Variants in EPHA6 observed in about 807,000 individuals in gnomAD.
EPHA6 encodes EPH receptor A6.
In EPHA6, 50 loss-of-function variants were observed where a neutral mutation model predicts 112.0. That is an observed-to-expected ratio of 0.45 (90% CI 0.36 to 0.56). The LOEUF is 0.56. Among genes scored for constraint, EPHA6 ranks in the 20% least tolerant of loss-of-function variants. The pLI is 0.00. For missense variants in EPHA6, 1,280 were observed against 1,417.4 expected (o/e 0.90, Z 1.56); for synonymous variants, 529 against 490.7 (o/e 1.08, Z -1.03).
intron 2 of EPHA6, among the ~76,000 whole-genome samples, chr3:96,933,470 A>C (rs939015881): frequency 2.0e-5 from 3 of 152,166 alleles, no homozygotes; most frequent in African/African-American, 4.8e-5. Flanking sequence ...GTAGACTTTG[A>C]CACAGGCAAA....
At chr3:97,203,299 TA>T (rs2077628095) in intron 3 of EPHA6, among the ~76,000 whole-genome samples, 1 of 152,110 alleles carries the variant, frequency 6.6e-6, no homozygotes, top group Non-Finnish European at 1.5e-5. Flanking sequence ...AGTTGGATAT[TA>T]GCAGTGGAGA....
At chr3:96,852,736 G>A (rs986889528) in intron 1 of EPHA6, among the ~76,000 whole-genome samples, 1 of 151,984 alleles carries the variant, frequency 6.6e-6, no homozygotes, top group African/African-American at 2.4e-5. Flanking sequence ...GATTGACAAA[G>A]GTGATGAGGA....
At chr3:96,934,717 T>C (rs1389590266) in intron 2 of EPHA6, among the ~76,000 whole-genome samples, 3 of 151,394 alleles carry the variant, frequency 2.0e-5, no homozygotes, top group Admixed American at 6.6e-5. Context: ...AATTATAAAC[T>C]AAGGGGAATA....
chr3:97,748,658 G>A lies in EPHA6; in HGVS notation c.3350G>A (p.Arg1117His), dbSNP rs746922834. ...RRIVSSIQTL[R>H]LHMMHIQEKG... ...ATAGTCAGCAGCATACAGACTTTAC[G>A]TTTACACATGATGCACATACAGGAG... Residue 1117 changes from arginine to histidine, a missense_variant, in exon 18 of 18, where the codon CGT (arginine) becomes CAT (histidine). Arg to His is a conservative substitution (Grantham distance 29). Coordinates refer to ENST00000389672, the MANE Select transcript of EPHA6 (RefSeq NM_001080448.3). 4.5e-5 allele frequency: 72 copies of A among 1,611,774 alleles called. No homozygotes were observed. The East Asian group carries it at 4.9e-4, about 11-fold the overall frequency.
chr3:97,520,943 A>G (rs977959306), intron 10 of EPHA6, among the ~76,000 whole-genome samples: 14 of 152,218 alleles, frequency 9.2e-5, no homozygotes, highest in African/African-American at 3.4e-4. Context: ...AAAGACCTAT[A>G]TTCAAGTTCT....
intron 4 of EPHA6, among the ~76,000 whole-genome samples, chr3:97,235,868 G>A (rs1178620761): frequency 1.3e-5 from 2 of 151,864 alleles, no homozygotes; most frequent in Non-Finnish European, 2.9e-5. Context: ...GCAGGTTTGG[G>A]CTTCCTTGTT....
At chr3:97,569,153 C>T (rs1290086828) in intron 11 of EPHA6, among the ~76,000 whole-genome samples, 1 of 152,102 alleles carries the variant, frequency 6.6e-6, no homozygotes, top group Non-Finnish European at 1.5e-5. Context: ...ATGAGTGAGT[C>T]TTTGTTACCA....
chr3:97,020,922 A>G (rs536548382), intron 3 of EPHA6, among the ~76,000 whole-genome samples: 1 of 145,036 alleles, frequency 6.9e-6, no homozygotes, highest in Non-Finnish European at 1.5e-5. Context: ...TTTTTTTTTT[A>G]AAAAGTCAAC....
intron 5 of EPHA6, among the ~76,000 whole-genome samples, chr3:97,392,286 A>G (rs748578820): frequency 7.2e-5 from 11 of 151,826 alleles, no homozygotes; most frequent in Admixed American, 2.0e-4. Context: ...TGAATAATAC[A>G]ATTACTTGTT....
chr3:96,923,341 G>A (rs1450204890), intron 2 of EPHA6, among the ~76,000 whole-genome samples: 4 of 152,154 alleles, frequency 2.6e-5, no homozygotes, highest in Non-Finnish European at 4.4e-5. Context: ...TCTGACTGGC[G>A]TGAGTGGTAT....
At chr3:97,363,209 T>G (rs1417044518) in intron 5 of EPHA6, among the ~76,000 whole-genome samples, 7 of 85,834 alleles carry the variant, frequency 8.2e-5, no homozygotes, top group Non-Finnish European at 1.4e-4. Context: ...TATATATATA[T>G]ATATATATAT....
intron 5 of EPHA6, among the ~76,000 whole-genome samples, chr3:97,366,878 A>G (rs948270321): frequency 1.3e-5 from 2 of 152,164 alleles, no homozygotes; most frequent in Non-Finnish European, 2.9e-5. Context: ...TTCTGTTCCT[A>G]TGAAATGAAA....
At chr3:96,848,844 A>G (rs1366182984) in intron 1 of EPHA6, among the ~76,000 whole-genome samples, 1 of 152,064 alleles carries the variant, frequency 6.6e-6, no homozygotes, top group Non-Finnish European at 1.5e-5. Flanking sequence ...TTATGCTTAT[A>G]TTTTGTATAA....
intron 5 of EPHA6, among the ~76,000 whole-genome samples, chr3:97,261,882 T>C (rs9818553): frequency 0.081 from 12,262 of 152,146 alleles, 1,635 homozygotes; most frequent in African/African-American, 0.27. Flanking sequence ...GTCAAGATTA[T>C]ATAGTTAATA....
intron 5 of EPHA6, among the ~76,000 whole-genome samples, chr3:97,302,997 G>A (rs1219075530): frequency 6.6e-6 from 1 of 151,584 alleles, no homozygotes; most frequent in Non-Finnish European, 1.5e-5. Context: ...TTAATGTTGA[G>A]GTAAATGGAA....
intron 2 of EPHA6, among the ~76,000 whole-genome samples, chr3:96,934,926 G>A (rs1559845136): frequency 6.6e-6 from 1 of 151,174 alleles, no homozygotes; most frequent in African/African-American, 2.4e-5. Flanking sequence ...TCCATTACTT[G>A]TTTTTAATAT....
intron 5 of EPHA6, among the ~76,000 whole-genome samples, chr3:97,297,344 A>G (rs1414229602): frequency 6.6e-6 from 1 of 152,084 alleles, no homozygotes; most frequent in Non-Finnish European, 1.5e-5. Context: ...ATGCTTACTT[A>G]TTCATTATTT....
At chr3:97,293,387 C>A (rs1453166600) in intron 5 of EPHA6, among the ~76,000 whole-genome samples, 1 of 151,536 alleles carries the variant, frequency 6.6e-6, no homozygotes, top group Admixed American at 6.6e-5. Context: ...CAACTCTCAG[C>A]AAAGAGGACA....
At chr3:97,283,937 TC>T (rs2080376825) in intron 5 of EPHA6, among the ~76,000 whole-genome samples, 1 of 152,132 alleles carries the variant, frequency 6.6e-6, no homozygotes, top group Non-Finnish European at 1.5e-5. Flanking sequence ...AAGATTATAA[TC>T]CCAACTATAT....
Sources: gnomAD v4.1 joint callset for allele counts (sites outside exome capture counted in the v4.1 genomes callset) on GRCh38, gnomAD v4.1.1 for gene constraint, MANE v1.5 for transcripts, NCBI Gene and HGNC (gene_info 2026-07-23, HGNC 2026-07-21) for gene names.